The following ANKRD6 variants were observed in gnomAD, a reference collection of about 807,000 sequenced individuals.
ANKRD6 encodes the protein ankyrin repeat domain 6.
Under a neutral mutation model 82.3 loss-of-function variants are expected in ANKRD6, and 56 were observed. The observed-to-expected ratio is 0.68, with a 90% CI of 0.55 to 0.85. The LOEUF (loss-of-function observed/expected upper bound fraction) is 0.85. Ranked by LOEUF, ANKRD6 falls within the 40% of genes least tolerant of loss-of-function variation. ANKRD6 has a pLI of 0.00. For synonymous variants in ANKRD6, 347 were observed against 352.1 expected (o/e 0.99, Z 0.16); for missense variants, 852 against 907.6 (o/e 0.94, Z 0.79).
intron 5 of ANKRD6, among the ~76,000 whole-genome samples, chr6:89,611,153 C>T (rs1387035351): frequency 6.7e-6 from 1 of 150,044 alleles, no homozygotes; most frequent in Non-Finnish European, 1.5e-5. Flanking sequence ...GCAAACTGGC[C>T]GCATCCAGTA....
chr6:89,629,754 A>G (rs1337432267), intron 15 of ANKRD6, among the ~76,000 whole-genome samples: 1 of 152,266 alleles, frequency 6.6e-6, no homozygotes. Flanking sequence ...ATTATACTCA[A>G]TAATGACAAT....
At chr6:89,499,320 C>T (rs373215008) in intron 1 of ANKRD6, among the ~76,000 whole-genome samples, 12 of 152,256 alleles carry the variant, frequency 7.9e-5, no homozygotes, top group Admixed American at 3.3e-4. Flanking sequence ...TTCATATGGG[C>T]GAAAAAGAAG....
At chr6:89,475,316 A>T (rs1364469379) in intron 1 of ANKRD6, among the ~76,000 whole-genome samples, 2 of 152,196 alleles carry the variant, frequency 1.3e-5, no homozygotes, top group Non-Finnish European at 2.9e-5. Context: ...TTATTCCATG[A>T]CTGTCTTCAA....
At chr6:89,545,555 G>A (rs1016731026) in intron 1 of ANKRD6, among the ~76,000 whole-genome samples, 2 of 152,166 alleles carry the variant, frequency 1.3e-5, no homozygotes, top group African/African-American at 4.8e-5. Context: ...CTTTATTTCT[G>A]AGGTCAGATA....
At chr6:89,522,898 G>A (rs561479509) in intron 1 of ANKRD6, among the ~76,000 whole-genome samples, 18 of 152,256 alleles carry the variant, frequency 1.2e-4, no homozygotes, top group Admixed American at 2.6e-4. Context: ...ATTAAATCTA[G>A]TGTCCCGAAG....
At chr6:89,545,056 A>G (rs150165671) in intron 1 of ANKRD6, among the ~76,000 whole-genome samples, 3,080 of 151,806 alleles carry the variant, frequency 0.02, 110 homozygotes, top group African/African-American at 0.071. Context: ...TACTAAAAAT[A>G]TAAAAAATTA....
chr6:89,628,785 CAAACA>C, intron 14 of ANKRD6: 1 of 260,822 alleles, frequency 3.8e-6, no homozygotes, highest in Non-Finnish European at 7.4e-6. Flanking sequence ...AACAAACAAA[CAAACA>C]AAAAAAAAAA....
At position 89,606,004 on chromosome 6, in the gene ANKRD6, T is replaced by C. The variant is rs765366484; in HGVS notation, c.319-3T>C. ...GCCTTTCCCACCTGTGTGTCTTCCT[T>C]AGGATGGGAATACAGCCTTGCATGA... On this transcript the variant is annotated splice_region_variant and splice_polypyrimidine_tract_variant and intron_variant, in intron 4 of 15. Transcript: ENST00000339746. The C allele has an allele frequency of 1.3e-6, 2 of 1,575,770 alleles. No homozygotes were observed. Among genetic ancestry groups the C allele is most frequent in the South Asian group, 2.3e-5 (2 of 85,660 alleles).
intron 1 of ANKRD6, among the ~76,000 whole-genome samples, chr6:89,493,618 G>A (rs2127850532): frequency 2.6e-5 from 4 of 151,960 alleles, no homozygotes; most frequent in Admixed American, 2.6e-4. Context: ...TCACTGTGTT[G>A]CCCAGGCTGG....
intron 2 of ANKRD6, among the ~76,000 whole-genome samples, chr6:89,579,778 AG>A (rs1346556831): frequency 4.7e-5 from 7 of 150,222 alleles, no homozygotes; most frequent in Middle Eastern, 3.5e-3. Context: ...AAAAAAAAAA[AG>A]GCTAAATGAG....
chr6:89,624,688 C>G lies in ANKRD6; in HGVS notation c.1368C>G (p.His456Gln). ...GGCAGATGGAGAATAAGACCCAGCACCAAGTATGTCATAAGGCCCAGCTTC... is the reference window on the plus strand; with the variant it reads ...GGCAGATGGAGAATAAGACCCAGCAGCAAGTATGTCATAAGGCCCAGCTTC... ...KLGQMENKTQ[H>Q]QMRVLDKLMV... The change falls in exon 13 of 16, where the codon CAC becomes CAG. Residue 456 changes from histidine (H) to glutamine (Q), a missense_variant. By Grantham distance (24) the His-to-Gln change is conservative. Transcript: ENST00000339746. The G allele has an allele frequency of 6.2e-7, 1 of 1,604,456 alleles. No homozygotes were observed. The highest frequency in any genetic ancestry group is 8.5e-7 in the Non-Finnish European group (1 of 1,175,448).
chr6:89,453,708 T>C (rs1166416311), intron 1 of ANKRD6, among the ~76,000 whole-genome samples: 2 of 151,986 alleles, frequency 1.3e-5, no homozygotes, highest in Non-Finnish European at 2.9e-5. Flanking sequence ...GCCTGCCGAG[T>C]AGCTGAGACT....
At chr6:89,485,720 A>T (rs1017566303) in intron 1 of ANKRD6, among the ~76,000 whole-genome samples, 3 of 152,206 alleles carry the variant, frequency 2.0e-5, no homozygotes, top group African/African-American at 7.2e-5. Flanking sequence ...TGGAAAAAAG[A>T]TTCCTGGGGT....
Position 89,567,251 on chromosome 6 carries a change from G to C in ANKRD6, c.120+155G>C, listed in dbSNP as rs542034488. 4.4e-4 allele frequency among the ~76,000 whole-genome samples: 67 copies of C among 152,304 alleles called. No homozygotes were observed. In the South Asian group the frequency reaches 0.013, roughly 30 times the overall value. On this transcript the variant is annotated intron_variant, in intron 2 of 15. Coordinates refer to ENST00000339746, the MANE Select transcript of ANKRD6 (RefSeq NM_001242809.2). The stretch of plus-strand genomic sequence containing the variant: ...GGGGAGAAGGAGGATTATTAAGAAT[G>C]CTTTTGTTGCCATCTTTCAAGTGGA...
Position 89,526,957 on chromosome 6 carries a change from C to T in ANKRD6, c.-143-39877C>T, listed in dbSNP as rs148679669. 1.5e-4 allele frequency among the ~76,000 whole-genome samples: 23 copies of T among 152,332 alleles called. No homozygotes were observed. The East Asian group carries it at 4.4e-3, about 29-fold the overall frequency. On this transcript the variant is annotated intron_variant, in intron 1 of 15. Transcript: ENST00000339746. ...CAGCAGGTTGGATGATGCTCACCTA[C>T]ATTGGGGAGGGCAATCTGCTTTATT... is the stretch of plus-strand genomic sequence containing the variant.
chr6:89,479,591 T>C (rs553495500), intron 1 of ANKRD6, among the ~76,000 whole-genome samples: 1 of 149,844 alleles, frequency 6.7e-6, no homozygotes, highest in East Asian at 1.9e-4. Flanking sequence ...TTTCTTTTTT[T>C]ATTTTTTATT....
intron 1 of ANKRD6, among the ~76,000 whole-genome samples, chr6:89,462,971 T>A (rs1043838587): frequency 6.6e-6 from 1 of 151,284 alleles, no homozygotes; most frequent in South Asian, 2.1e-4. Context: ...CAAGTGATCC[T>A]CCTGCCTCAG....
intron 1 of ANKRD6, among the ~76,000 whole-genome samples, chr6:89,508,525 G>A (rs746773673): frequency 7.9e-5 from 12 of 152,176 alleles, no homozygotes; most frequent in African/African-American, 1.4e-4. Flanking sequence ...TCAGAGATAC[G>A]TGTGGGGGGC....
At chr6:89,597,139 A>G (rs1796092939) in intron 3 of ANKRD6, among the ~76,000 whole-genome samples, 1 of 152,254 alleles carries the variant, frequency 6.6e-6, no homozygotes, top group Admixed American at 6.5e-5. Flanking sequence ...ATGCATGGGC[A>G]GAAGGCCATC....
Sources: allele counts gnomAD v4.1 joint callset (sites outside exome capture counted in the v4.1 genomes callset), GRCh38; gene constraint gnomAD v4.1.1; transcripts MANE v1.5; gene names NCBI Gene and HGNC (gene_info 2026-07-23, HGNC 2026-07-21).